NAV1: variants seen among roughly 807,000 people sequenced by gnomAD.
The protein encoded by NAV1 is neuron navigator 1, also known as pore membrane and/or filament interacting like protein 3.
In NAV1, 18 loss-of-function variants were observed where a neutral mutation model predicts 175.2. That is an observed-to-expected ratio of 0.10 (90% CI 0.07 to 0.15). The LOEUF (loss-of-function observed/expected upper bound fraction) is 0.15, where lower values mean the gene tolerates loss of function less well. Ranked by LOEUF, NAV1 falls within the 10% of genes least tolerant of loss-of-function variation. The pLI, the probability that NAV1 is intolerant of heterozygous loss-of-function variation, is 1.00. For synonymous variants in NAV1, 897 were observed against 978.7 expected (o/e 0.92, Z 1.56); for missense variants, 1,731 against 2,436.6 (o/e 0.71, Z 6.10).
intron 21 of NAV1, 87 bp downstream of exon 25, chr1:201,809,348 A>G: frequency 6.3e-7 from 1 of 1,588,764 alleles, no homozygotes; most frequent in Non-Finnish European, 8.6e-7. Flanking sequence ...GTACCTCCAA[A>G]ACCAAAGAAC....
At chr1:201,560,711 A>T (rs1238393882) in intron 1 of NAV1, among the ~76,000 whole-genome samples, 4 of 152,158 alleles carry the variant, frequency 2.6e-5, no homozygotes, top group Non-Finnish European at 4.4e-5. Context: ...GTTTGTACAG[A>T]TGTGCATCTC....
chr1:201,801,258 C>T (rs536055943), intron 15 of NAV1, among the ~76,000 whole-genome samples: 87 of 152,302 alleles, frequency 5.7e-4, no homozygotes, highest in Non-Finnish European at 4.3e-4. Context: ...TCAGATCCTA[C>T]GATCTTGTTT....
chr1:201,568,225 C>CAA, intron 1 of NAV1, among the ~76,000 whole-genome samples: 1 of 152,154 alleles, frequency 6.6e-6, no homozygotes, highest in Non-Finnish European at 1.5e-5. Flanking sequence ...AGAGCAAGCC[C>CAA]CTTGCCCAGT....
At chr1:201,824,982 A>G (rs1242664975) in exon 30 of NAV1, 1 of 152,206 alleles carries the variant, frequency 6.6e-6, no homozygotes, top group Admixed American at 6.5e-5. Context: ...TGGAGTTCCC[A>G]CACTGAGAGG....
intron 3 of NAV1, among the ~76,000 whole-genome samples, chr1:201,736,381 C>T (rs935790531): frequency 2.6e-5 from 4 of 152,194 alleles, no homozygotes; most frequent in African/African-American, 7.2e-5. Context: ...CAAACTGCTT[C>T]TCAAGTCTTT....
upstream of NAV1, among the ~76,000 whole-genome samples, chr1:201,617,978 G>A (rs1358818058): frequency 6.6e-6 from 1 of 152,128 alleles, no homozygotes; most frequent in East Asian, 1.9e-4. Flanking sequence ...CAAATCATTT[G>A]GTCCATTAAG....
chr1:201,752,048 T>C (rs1334600985), intron 3 of NAV1, among the ~76,000 whole-genome samples: 5 of 152,202 alleles, frequency 3.3e-5, no homozygotes, highest in Non-Finnish European at 7.3e-5. Flanking sequence ...GTGCTGACCT[T>C]TGACCTCCAT....
chr1:201,704,224 A>G (rs1236518738), intron 1 of NAV1, among the ~76,000 whole-genome samples: 1 of 152,166 alleles, frequency 6.6e-6, no homozygotes, highest in African/African-American at 2.4e-5. Flanking sequence ...TGTCAGCCCT[A>G]GGAGTGCAGA....
intron 1 of NAV1, among the ~76,000 whole-genome samples, chr1:201,568,892 C>A (rs1376619283): frequency 6.6e-6 from 1 of 151,978 alleles, no homozygotes; most frequent in African/African-American, 2.4e-5. Flanking sequence ...TTGCGGGGGT[C>A]CTCTAGGTCA....
chr1:201,607,338 C>G lies in NAV1; in HGVS notation c.-32-15515C>G, dbSNP rs149445164. ...CCATGTTGGCCAGGCTGGTCTCTAA[C>G]TCCTGACCTCAAGTAATCCACCCAC... On this transcript the variant is annotated intron_variant, in intron 2 of 33. Transcript: ENST00000685211. Among the ~76,000 whole-genome samples, 503 of 152,048 alleles carry G rather than the reference C, an allele frequency of 3.3e-3. 1 individual carries two copies. The highest frequency in any genetic ancestry group is 0.012 in the African/African-American group (490 of 41,478).
intron 3 of NAV1, among the ~76,000 whole-genome samples, chr1:201,725,936 G>A (rs1672588700): frequency 6.6e-6 from 1 of 152,114 alleles, no homozygotes; most frequent in African/African-American, 2.4e-5. Context: ...CAGCCTGGGC[G>A]ACAAAGACCC....
intron 28 of NAV1, among the ~76,000 whole-genome samples, chr1:201,814,975 C>A (rs545277921): frequency 7.5e-5 from 11 of 145,798 alleles, no homozygotes; most frequent in African/African-American, 2.5e-4. Context: ...GGAGGTGGAG[C>A]TTGCAGTGAG....
intron 4 of NAV1, 113 bp downstream of exon 8, chr1:201,780,672 A>G (rs1478346485): frequency 1.4e-6 from 2 of 1,420,434 alleles, no homozygotes; most frequent in Non-Finnish European, 1.9e-6. Context: ...ATTGGTTCTC[A>G]TAGGCCTTTG....
chr1:201,641,480 C>G (rs1477236091), intron 2 of NAV1, among the ~76,000 whole-genome samples: 1 of 152,124 alleles, frequency 6.6e-6, no homozygotes, highest in African/African-American at 2.4e-5. Flanking sequence ...CTTAAGAAGT[C>G]CCATGTTTTG....
exon 1 of NAV1, chr1:201,648,652 C>A (rs764506245): frequency 4.4e-5 from 61 of 1,371,418 alleles, no homozygotes; most frequent in Admixed American, 3.3e-5. Context: ...ATCGTCCATG[C>A]GCTCCTCGCG....
intron 2 of NAV1, among the ~76,000 whole-genome samples, chr1:201,633,028 T>C (rs892577295): frequency 6.6e-6 from 1 of 152,220 alleles, no homozygotes; most frequent in Non-Finnish European, 1.5e-5. Flanking sequence ...CAAGTATTCC[T>C]GGACTACAAA....
intron 13 of NAV1, 81 bp downstream of exon 17, chr1:201,790,847 C>T (rs898062607): frequency 1.4e-6 from 2 of 1,400,914 alleles, no homozygotes; most frequent in African/African-American, 2.8e-5. Flanking sequence ...AGGAAAACTA[C>T]CTGGTAAGGT....
chr1:201,685,026 C>T (rs1245953989), intron 1 of NAV1, among the ~76,000 whole-genome samples: 3 of 148,744 alleles, frequency 2.0e-5, no homozygotes, highest in African/African-American at 7.5e-5. Flanking sequence ...CCTGTAATCC[C>T]AACTGTTTGG....
chr1:201,696,538 G>T (rs577795333), intron 1 of NAV1, among the ~76,000 whole-genome samples: 1 of 152,212 alleles, frequency 6.6e-6, no homozygotes, highest in Non-Finnish European at 1.5e-5. Flanking sequence ...TCTTGGAGGT[G>T]GAGAAATGCT....
Sources: gnomAD v4.1 joint callset for allele counts (sites outside exome capture counted in the v4.1 genomes callset) on GRCh38, gnomAD v4.1.1 for gene constraint, MANE v1.5 for transcripts, NCBI Gene and HGNC (gene_info 2026-07-23, HGNC 2026-07-21) for gene names.